Variants in RIMS2 observed in about 807,000 individuals in gnomAD.
RIMS2 encodes the protein regulating synaptic membrane exocytosis protein 2.
In RIMS2, 59 loss-of-function variants were observed where a neutral mutation model predicts 174.4. That is an observed-to-expected ratio of 0.34 (90% CI 0.27 to 0.42). RIMS2 has a LOEUF of 0.42. RIMS2 is among the 10% of genes least tolerant of loss of function. The pLI is 1.00. For synonymous variants in RIMS2, 606 were observed against 572.5 expected (o/e 1.06, Z -0.84); for missense variants, 1,620 against 1,666.3 (o/e 0.97, Z 0.48).
intron 3 of RIMS2, among the ~76,000 whole-genome samples, chr8:103,832,788 T>A (rs1312779620): frequency 6.6e-6 from 1 of 152,236 alleles, no homozygotes; most frequent in African/African-American, 2.4e-5. Context: ...TTACCATTAG[T>A]TCTTATTGGT....
intron 19 of RIMS2, among the ~76,000 whole-genome samples, chr8:104,040,324 A>G (rs2096587429): frequency 6.6e-6 from 1 of 151,386 alleles, no homozygotes; most frequent in Non-Finnish European, 1.5e-5. Flanking sequence ...TTAAAATAGG[A>G]GATTTTGGTT....
intron 19 of RIMS2, among the ~76,000 whole-genome samples, chr8:104,195,930 T>C (rs536819848): frequency 2.0e-5 from 3 of 152,266 alleles, no homozygotes; most frequent in Admixed American, 1.3e-4. Context: ...TTAAAAGACT[T>C]TTAAGGCAAA....
chr8:104,065,112 G>T (rs1479500757), intron 19 of RIMS2, among the ~76,000 whole-genome samples: 1 of 151,928 alleles, frequency 6.6e-6, no homozygotes, highest in Non-Finnish European at 1.5e-5. Context: ...GAGAAAAAAG[G>T]TAAGTGTTCT....
chr8:103,887,311 C>T lies in RIMS2; in HGVS notation c.1624+1088C>T, dbSNP rs533192399. 2.7e-5 allele frequency among the ~76,000 whole-genome samples: 4 copies of T among 150,880 alleles called. No homozygotes were observed. The East Asian group carries it at 5.9e-4, about 22-fold the overall frequency. On this transcript the variant is annotated intron_variant, in intron 4 of 23. Transcript: ENST00000504942. ...ACTTTTTATATAGTTAGGATTTTAC[C>T]CCATTTAACTATTATTTGCCAAATA... is the stretch of plus-strand genomic sequence containing the variant.
intron 2 of RIMS2, among the ~76,000 whole-genome samples, chr8:103,758,443 AG>A (rs1322366525): frequency 1.3e-5 from 2 of 152,158 alleles, no homozygotes; most frequent in Non-Finnish European, 2.9e-5. Context: ...CACTTGCCCA[AG>A]CCTACAGCTT....
chr8:103,859,822 T>G (rs11779406), intron 3 of RIMS2, among the ~76,000 whole-genome samples: 1 of 151,970 alleles, frequency 6.6e-6, no homozygotes, highest in African/African-American at 2.4e-5. Context: ...GAAGCTTCAC[T>G]GTCTAGTGCA....
chr8:103,646,975 A>T (rs2096348636), intron 1 of RIMS2, among the ~76,000 whole-genome samples: 1 of 152,098 alleles, frequency 6.6e-6, no homozygotes, highest in Non-Finnish European at 1.5e-5. Flanking sequence ...TGGCTTTTTC[A>T]TGTATGGCTC....
intron 1 of RIMS2, among the ~76,000 whole-genome samples, chr8:103,681,258 A>G (rs1273527057): frequency 6.6e-6 from 1 of 152,076 alleles, no homozygotes; most frequent in African/African-American, 2.4e-5. Flanking sequence ...ATGAATAATG[A>G]TAACAGCATC....
intron 12 of RIMS2, among the ~76,000 whole-genome samples, chr8:103,935,656 G>C (rs1020467837): frequency 4.6e-5 from 7 of 152,110 alleles, no homozygotes; most frequent in African/African-American, 1.7e-4. Context: ...GTATTTCCTA[G>C]AAAATTGTAT....
intron 19 of RIMS2, among the ~76,000 whole-genome samples, chr8:104,222,784 T>C (rs1291126298): frequency 6.6e-6 from 1 of 152,222 alleles, no homozygotes; most frequent in Admixed American, 6.5e-5. Context: ...CCATACTGGG[T>C]AGATTATTTA....
chr8:103,886,310 G>C, intron 4 of RIMS2, 87 bp downstream of exon 7: 1 of 1,071,976 alleles, frequency 9.3e-7, no homozygotes, highest in Non-Finnish European at 1.3e-6. Context: ...AAATTTAATA[G>C]GTATTACTAG....
At chr8:103,593,850 C>T (rs1272483468) in intron 1 of RIMS2, among the ~76,000 whole-genome samples, 1 of 150,586 alleles carries the variant, frequency 6.6e-6, no homozygotes, top group Non-Finnish European at 1.5e-5. Context: ...AATTTAATTT[C>T]TAAAAAGTAG....
At chr8:103,757,585 C>A (rs2098040094) in intron 2 of RIMS2, among the ~76,000 whole-genome samples, 1 of 152,114 alleles carries the variant, frequency 6.6e-6, no homozygotes, top group African/African-American at 2.4e-5. Context: ...AAAATGGCCC[C>A]TCTAAAGATA....
chr8:103,843,589 G>C (rs1001782857), intron 3 of RIMS2, among the ~76,000 whole-genome samples: 1 of 152,058 alleles, frequency 6.6e-6, no homozygotes, highest in Non-Finnish European at 1.5e-5. Flanking sequence ...TGAATTAGTA[G>C]TTTTCTTCAA....
chr8:104,051,509 TATAGTC>T (rs1319533381), intron 19 of RIMS2, among the ~76,000 whole-genome samples: 9 of 152,048 alleles, frequency 5.9e-5, no homozygotes, highest in East Asian at 3.9e-4. Flanking sequence ...ATGACCATAT[TATAGTC>T]CAAGGTTGGG....
intron 19 of RIMS2, among the ~76,000 whole-genome samples, chr8:104,148,320 G>A (rs1196274926): frequency 2.0e-5 from 3 of 151,978 alleles, no homozygotes; most frequent in Non-Finnish European, 4.4e-5. Flanking sequence ...TGTCTTAAAT[G>A]AACCCACTGA....
intron 19 of RIMS2, among the ~76,000 whole-genome samples, chr8:104,166,591 C>A (rs2511636): frequency 0.81 from 122,579 of 151,844 alleles, 49,946 homozygotes; most frequent in East Asian, 1. Context: ...TTTAACTTTT[C>A]GAAGCACAGG....
intron 3 of RIMS2, among the ~76,000 whole-genome samples, chr8:103,865,334 G>T (rs2099079937): frequency 6.9e-6 from 1 of 144,310 alleles, no homozygotes; most frequent in South Asian, 2.2e-4. Flanking sequence ...TCCCAGGCTG[G>T]AGTGCAGTGG....
intron 19 of RIMS2, chr8:104,094,677 G>A: frequency 2.9e-6 from 2 of 699,564 alleles, no homozygotes; most frequent in Non-Finnish European, 5.2e-6. Context: ...GAAAGAAAAA[G>A]AACAGTGGAA....
Sources: gnomAD v4.1 joint callset for allele counts (sites outside exome capture counted in the v4.1 genomes callset) on GRCh38, gnomAD v4.1.1 for gene constraint, MANE v1.5 for transcripts, NCBI Gene and HGNC (gene_info 2026-07-23, HGNC 2026-07-21) for gene names.